The following NT5DC1 variants were observed in gnomAD, a reference collection of about 807,000 sequenced individuals.
NT5DC1 encodes the protein 5'-nucleotidase domain containing 1.
In NT5DC1, 42 loss-of-function variants were observed where a neutral mutation model predicts 59.4. The observed-to-expected ratio is 0.71, with a 90% CI of 0.55 to 0.92. The LOEUF (loss-of-function observed/expected upper bound fraction) is 0.92. Among genes scored for constraint, NT5DC1 ranks in the 40% least tolerant of loss-of-function variants. NT5DC1 has a pLI of 0.00. For synonymous variants in NT5DC1, 172 were observed against 188.1 expected, an observed-to-expected ratio of 0.91 and a Z score of 0.70; for missense variants, 501 against 537.1, an observed-to-expected ratio of 0.93 and a Z score of 0.66.
intron 7 of NT5DC1, among the ~76,000 whole-genome samples, chr6:116,222,192 T>C (rs1054985253): frequency 2.0e-5 from 3 of 152,194 alleles, no homozygotes; most frequent in African/African-American, 7.2e-5. Context: ...ATGCATCTTT[T>C]GGGTGAATTA....
In NT5DC1 at chr6:116,161,593, A is replaced by G. The variant is rs1582844292; in HGVS notation, c.529+43648A>G. 3.9e-5 allele frequency among the ~76,000 whole-genome samples: 6 copies of G among 152,010 alleles called. 1 individual carries two copies. In the South Asian group the frequency reaches 1.2e-3, roughly 32 times the overall value. ...TTCTGCTCCATTGATCTATGTGTCT[A>G]TTTTTGTACCAGTAGCATGCTGTTT... is the stretch of plus-strand genomic sequence containing the variant. On this transcript the variant is annotated intron_variant, in intron 6 of 11. Coordinates refer to ENST00000319550, the MANE Select transcript of NT5DC1 (RefSeq NM_152729.3).
At chr6:116,121,916 G>A in intron 6 of NT5DC1, 1 of 1,613,808 alleles carries the variant, frequency 6.2e-7, no homozygotes, top group South Asian at 1.1e-5. Context: ...AGGTCCAGCA[G>A]GGCCTGGTGG....
intron 6 of NT5DC1, among the ~76,000 whole-genome samples, chr6:116,173,785 C>G (rs1780671389): frequency 6.6e-6 from 1 of 152,148 alleles, no homozygotes; most frequent in South Asian, 2.1e-4. Context: ...CTAATGTTCA[C>G]ATCTTACATT....
Position 116,162,924 on chromosome 6 carries a change from G to A in NT5DC1, c.529+44979G>A, listed in dbSNP as rs376874370. Among the ~76,000 whole-genome samples, 31 of 151,702 alleles carry A rather than the reference G, an allele frequency of 2.0e-4. 1 individual carries two copies. Among genetic ancestry groups the A allele is most frequent in the East Asian group, 9.7e-4 (5 of 5,164 alleles). The stretch of plus-strand genomic sequence containing the variant: ...GGGCAGATCACGAGGTCAGGAGATC[G>A]AGACCATCCTAGCTAACATGGTGAA... On this transcript the variant is annotated intron_variant, in intron 6 of 11. Coordinates refer to ENST00000319550, the MANE Select transcript of NT5DC1 (RefSeq NM_152729.3).
chr6:116,192,825 T>C (rs995535734), intron 6 of NT5DC1, among the ~76,000 whole-genome samples: 9 of 152,184 alleles, frequency 5.9e-5, no homozygotes, highest in African/African-American at 2.2e-4. Flanking sequence ...CCTGCTTCTT[T>C]GGCCTCCTAC....
intron 4 of NT5DC1, among the ~76,000 whole-genome samples, chr6:116,113,087 A>G (rs1005601308): frequency 1.3e-5 from 2 of 152,230 alleles, no homozygotes; most frequent in South Asian, 4.1e-4. Context: ...CTTTGAACTT[A>G]TCTTCCCCAA....
intron 6 of NT5DC1, among the ~76,000 whole-genome samples, chr6:116,189,082 A>C (rs1781064753): frequency 6.6e-6 from 1 of 151,944 alleles, no homozygotes; most frequent in Non-Finnish European, 1.5e-5. Context: ...TTCTCATTGC[A>C]ATTGATTTTT....
At chr6:116,149,721 G>A (rs1218887391) in intron 6 of NT5DC1, among the ~76,000 whole-genome samples, 1 of 152,094 alleles carries the variant, frequency 6.6e-6, no homozygotes, top group Non-Finnish European at 1.5e-5. Context: ...TAGAGATTGG[G>A]GTAGAACTTT....
At chr6:116,146,056 CAT>C (rs1474791602) in intron 6 of NT5DC1, among the ~76,000 whole-genome samples, 1 of 152,200 alleles carries the variant, frequency 6.6e-6, no homozygotes, top group Non-Finnish European at 1.5e-5. Context: ...TCACAGTTAA[CAT>C]ATGCACGGTT....
chr6:116,145,253 G>A (rs1181190418), intron 6 of NT5DC1, among the ~76,000 whole-genome samples: 2 of 152,036 alleles, frequency 1.3e-5, no homozygotes, highest in African/African-American at 2.4e-5. Context: ...AATTTGTTTA[G>A]AAAGGTGTGA....
chr6:116,220,108 A>G (rs374093203), intron 6 of NT5DC1, among the ~76,000 whole-genome samples: 6 of 146,362 alleles, frequency 4.1e-5, no homozygotes, highest in Admixed American at 4.1e-4. Flanking sequence ...ATCATTCAGT[A>G]CAAGCTGTTT....
At chr6:116,171,062 G>A (rs189886294) in intron 6 of NT5DC1, among the ~76,000 whole-genome samples, 144 of 151,996 alleles carry the variant, frequency 9.5e-4, no homozygotes, top group Middle Eastern at 3.4e-3. Context: ...GTTTTTACTG[G>A]CCTGTAATAT....
At chr6:116,148,000 G>T (rs187295183) in intron 6 of NT5DC1, among the ~76,000 whole-genome samples, 4,378 of 148,656 alleles carry the variant, frequency 0.029, 231 homozygotes, top group African/African-American at 0.1. Context: ...AAAAAAAGGT[G>T]GGGGGGGTTG....
At chr6:116,217,885 T>C (rs1781717403) in intron 6 of NT5DC1, among the ~76,000 whole-genome samples, 1 of 152,214 alleles carries the variant, frequency 6.6e-6, no homozygotes, top group African/African-American at 2.4e-5. Flanking sequence ...CCTTGACTTA[T>C]TTCAATAAAA....
chr6:116,186,301 ATT>A (rs552459718), intron 6 of NT5DC1, among the ~76,000 whole-genome samples: 2 of 142,024 alleles, frequency 1.4e-5, no homozygotes, highest in African/African-American at 2.6e-5. Context: ...AGCTCTTAAG[ATT>A]TTTTTTTTTT....
At chr6:116,171,756 G>A (rs538242173) in intron 6 of NT5DC1, among the ~76,000 whole-genome samples, 1 of 152,174 alleles carries the variant, frequency 6.6e-6, no homozygotes, top group Non-Finnish European at 1.5e-5. Flanking sequence ...TAAGAACAGT[G>A]GAGCTGTGTT....
At chr6:116,205,087 A>G (rs996587873) in intron 6 of NT5DC1, among the ~76,000 whole-genome samples, 3 of 152,106 alleles carry the variant, frequency 2.0e-5, no homozygotes, top group Middle Eastern at 3.4e-3. Flanking sequence ...CAAGCAAATA[A>G]TACATTCATG....
At chr6:116,111,713 A>T (rs1229437400) in intron 4 of NT5DC1, among the ~76,000 whole-genome samples, 2 of 152,040 alleles carry the variant, frequency 1.3e-5, no homozygotes, top group Non-Finnish European at 2.9e-5. Flanking sequence ...TTGCTTTGTT[A>T]TATTTGCTAT....
intron 6 of NT5DC1, among the ~76,000 whole-genome samples, chr6:116,123,812 A>G (rs1319523258): frequency 6.6e-6 from 1 of 152,216 alleles, no homozygotes; most frequent in African/African-American, 2.4e-5. Context: ...TTGTTCTGCA[A>G]AAGTAGCCAA....
Sources: allele counts gnomAD v4.1 joint callset (sites outside exome capture counted in the v4.1 genomes callset), GRCh38; gene constraint gnomAD v4.1.1; transcripts MANE v1.5; gene names NCBI Gene and HGNC (gene_info 2026-07-23, HGNC 2026-07-21).